NRG2: variants seen among roughly 807,000 people sequenced by gnomAD.
The protein encoded by NRG2 is pro-neuregulin-2, membrane-bound isoform.
In NRG2, 27 loss-of-function variants were observed where a neutral mutation model predicts 73.9. The observed-to-expected ratio is 0.37, with a 90% CI of 0.27 to 0.50. The LOEUF is 0.50. Ranked by LOEUF, NRG2 falls within the 20% of genes least tolerant of loss-of-function variation. The pLI is 0.96. For synonymous variants in NRG2, 532 were observed against 541.0 expected (o/e 0.98, Z 0.23); for missense variants, 1,126 against 1,210.1 (o/e 0.93, Z 1.03).
At chr5:139,968,815 C>T (rs1237451552) in intron 1 of NRG2, among the ~76,000 whole-genome samples, 1 of 152,242 alleles carries the variant, frequency 6.6e-6, no homozygotes, top group African/African-American at 2.4e-5. Context: ...CGCTGGTCCT[C>T]ACTGGGGAAG....
intron 1 of NRG2, among the ~76,000 whole-genome samples, chr5:139,988,179 G>T (rs765143450): frequency 5.3e-5 from 8 of 152,186 alleles, no homozygotes; most frequent in Admixed American, 5.2e-4. Flanking sequence ...GGAGCAACAG[G>T]AATTCTGGTT....
At chr5:139,884,990 G>A (rs959817808) in intron 2 of NRG2, among the ~76,000 whole-genome samples, 1 of 152,168 alleles carries the variant, frequency 6.6e-6, no homozygotes, top group African/African-American at 2.4e-5. Context: ...AGCCACAGTT[G>A]AGAGGGGAAC....
At position 139,921,211 on chromosome 5, in the gene NRG2, C is replaced by T. The variant is rs36026213; in HGVS notation, c.701-33700G>A. On this transcript the variant is annotated intron_variant, in intron 1 of 9. Transcript: ENST00000361474. ...GATTCAATGCAATTCCAACTAAAAT[C>T]CAGCAAGTTATTACTATTTTGTGGA... Among the ~76,000 whole-genome samples, 61 of 152,280 alleles carry T rather than the reference C, an allele frequency of 4.0e-4. 1 individual carries two copies. Among genetic ancestry groups the T allele is most frequent in the Admixed American group, 2.2e-3 (34 of 15,298 alleles).
intron 1 of NRG2, among the ~76,000 whole-genome samples, chr5:139,895,330 C>T (rs142374481): frequency 6.6e-6 from 1 of 152,252 alleles, no homozygotes; most frequent in Non-Finnish European, 1.5e-5. Context: ...GGCTGGGATA[C>T]AGGCACACGA....
chr5:139,862,642 G>A (rs150824322), intron 5 of NRG2, among the ~76,000 whole-genome samples: 256 of 152,378 alleles, frequency 1.7e-3, no homozygotes, highest in Admixed American at 5.6e-3. Flanking sequence ...GCAGTGATGT[G>A]TACAGATGTG....
chr5:139,914,482 C>T (rs529062978), intron 1 of NRG2, among the ~76,000 whole-genome samples: 1 of 152,292 alleles, frequency 6.6e-6, no homozygotes, highest in African/African-American at 2.4e-5. Flanking sequence ...TTCCAGGGTT[C>T]CCAGTATGTG....
chr5:140,040,087 T>C (rs2126711986), intron 1 of NRG2, among the ~76,000 whole-genome samples: 1 of 152,308 alleles, frequency 6.6e-6, no homozygotes, highest in East Asian at 1.9e-4. Context: ...CAGTTTATGC[T>C]CTTCTGTTAT....
intron 6 of NRG2, among the ~76,000 whole-genome samples, chr5:139,854,839 C>G (rs566044206): frequency 2.7e-5 from 4 of 150,368 alleles, no homozygotes; most frequent in Non-Finnish European, 5.9e-5. Flanking sequence ...CCAACAAAGG[C>G]ACATCTATAG....
At chr5:139,885,973 A>AG (rs1018501327) in intron 2 of NRG2, among the ~76,000 whole-genome samples, 1 of 151,812 alleles carries the variant, frequency 6.6e-6, no homozygotes, top group African/African-American at 2.4e-5. Flanking sequence ...CAGCCTTGGT[A>AG]GGGCAGTGAG....
rs1761062380 is a variant in NRG2 at position 139,847,393 on chromosome 5, C to G, written c.*524G>C. 1 of 152,264 alleles carries G rather than the reference C, an allele frequency of 6.6e-6. No individual in the cohort carries two copies. Among genetic ancestry groups the G allele is most frequent in the Non-Finnish European group, 1.5e-5 (1 of 68,182 alleles). The allele number at this position is 152,264 out of a possible 1,614,324, so 9.4% of individuals were successfully genotyped here. ...CAGCTCCAAGCCTAGGGTCCTGGCC[C>G]TCTCCTCCCAGGGGTCGGGAACTTC... On this transcript the variant is annotated 3_prime_UTR_variant, in exon 10 of 10. Coordinates refer to ENST00000361474, the MANE Select transcript of NRG2 (RefSeq NM_004883.3).
In NRG2 at chr5:139,954,134, G is replaced by A. The variant is rs1214305556; in HGVS notation, c.701-66623C>T. 6.6e-6 allele frequency among the ~76,000 whole-genome samples: 1 copy of A among 152,112 alleles called. No individual in the cohort carries two copies. Among genetic ancestry groups the A allele is most frequent in the Non-Finnish European group, 1.5e-5 (1 of 68,008 alleles). Reference sequence around the variant, plus strand: ...AGAGCAAGCATGAGGCCAGGCTGGCGGTTCTCTCCCCTTGCCTCCTGCACG... The same window carrying A: ...AGAGCAAGCATGAGGCCAGGCTGGCAGTTCTCTCCCCTTGCCTCCTGCACG... On this transcript the variant is annotated intron_variant, in intron 1 of 9. Coordinates refer to ENST00000361474, the MANE Select transcript of NRG2 (RefSeq NM_004883.3). The surrounding 1 kb of genome is among the most constrained non-coding windows in gnomAD (Gnocchi z 5.0).
At chr5:140,006,838 T>A (rs1284759280) in intron 1 of NRG2, among the ~76,000 whole-genome samples, 2 of 152,228 alleles carry the variant, frequency 1.3e-5, no homozygotes, top group African/African-American at 4.8e-5. Flanking sequence ...CATGTTACTT[T>A]TCAAACAAGG....
chr5:140,032,700 T>C (rs370863206), intron 1 of NRG2, among the ~76,000 whole-genome samples: 3 of 152,180 alleles, frequency 2.0e-5, no homozygotes, highest in African/African-American at 7.2e-5. Flanking sequence ...CATCAAAAGA[T>C]AATTAGCAAT....
At chr5:139,991,495 G>C (rs980378375) in intron 1 of NRG2, among the ~76,000 whole-genome samples, 1 of 151,554 alleles carries the variant, frequency 6.6e-6, no homozygotes, top group Non-Finnish European at 1.5e-5. Flanking sequence ...AGTTTCACTC[G>C]GTCGCCCAGG....
intron 5 of NRG2, among the ~76,000 whole-genome samples, chr5:139,864,154 C>T (rs368772292): frequency 6.6e-6 from 1 of 152,148 alleles, no homozygotes; most frequent in African/African-American, 2.4e-5. Context: ...AGGGGCCTAG[C>T]CTGCTCTGCA....
At chr5:140,014,000 G>A (rs748421834) in intron 1 of NRG2, among the ~76,000 whole-genome samples, 5 of 151,864 alleles carry the variant, frequency 3.3e-5, no homozygotes, top group Non-Finnish European at 5.9e-5. Context: ...CTTCTTTTCT[G>A]CTCTACCTAT....
At chr5:139,981,874 C>T (rs1580869233) in intron 1 of NRG2, among the ~76,000 whole-genome samples, 1 of 152,184 alleles carries the variant, frequency 6.6e-6, no homozygotes, top group Non-Finnish European at 1.5e-5. Context: ...CTCCCTGGAG[C>T]CTGCTAACCT....
intron 1 of NRG2, among the ~76,000 whole-genome samples, chr5:139,964,366 A>ACT (rs1253619698): frequency 6.9e-6 from 1 of 145,858 alleles, no homozygotes; most frequent in Non-Finnish European, 1.5e-5. Context: ...ATACACACAC[A>ACT]CACACACACA....
At chr5:139,998,832 GA>G (rs1561741368) in intron 1 of NRG2, among the ~76,000 whole-genome samples, 1 of 152,176 alleles carries the variant, frequency 6.6e-6, no homozygotes, top group Non-Finnish European at 1.5e-5. Flanking sequence ...AATAGGGGAA[GA>G]TAGGAAGAGG....
Sources: gnomAD v4.1 joint callset for allele counts (sites outside exome capture counted in the v4.1 genomes callset) on GRCh38, gnomAD v4.1.1 for gene constraint, Gnocchi (gnomAD v3.1) non-coding constraint, MANE v1.5 for transcripts, NCBI Gene and HGNC (gene_info 2026-07-23, HGNC 2026-07-21) for gene names.